The following PHF21B variants were observed in gnomAD, a reference collection of about 807,000 sequenced individuals.
PHF21B encodes the protein PHD finger protein 21B.
PHF21B carries 22 observed loss-of-function variants against 62.2 expected under a neutral mutation model. That is an observed-to-expected ratio of 0.35 (90% CI 0.25 to 0.51). PHF21B has a LOEUF of 0.51. Among genes scored for constraint, PHF21B ranks in the 20% least tolerant of loss-of-function variants. The pLI, the probability that PHF21B is intolerant of heterozygous loss-of-function variation, is 0.97. For synonymous variants in PHF21B, 341 were observed against 314.7 expected (o/e 1.08, Z -0.88); for missense variants, 701 against 707.9 (o/e 0.99, Z 0.11).
chr22:45,008,916 G>T, intron 1 of PHF21B: 1 of 1,147,932 alleles, frequency 8.7e-7, no homozygotes, highest in Non-Finnish European at 1.1e-6. Flanking sequence ...GTGTGAGTGT[G>T]AGTGTGTGCC....
At chr22:44,960,814 C>G (rs4823425) in intron 2 of PHF21B, among the ~76,000 whole-genome samples, 152,159 of 152,266 alleles carry the variant, frequency 1, 76,026 homozygotes, top group Middle Eastern at 1. Context: ...TGCCTTTGGA[C>G]GCAAACTGAT....
chr22:44,994,274 G>T (rs1224839188), intron 2 of PHF21B, among the ~76,000 whole-genome samples: 1 of 152,228 alleles, frequency 6.6e-6, no homozygotes, highest in East Asian at 1.9e-4. Context: ...GTTAGCTGAG[G>T]TCATTGTGCC....
intron 3 of PHF21B, 49 bp from the exon 4 acceptor site, chr22:44,916,679 T>C: frequency 1.3e-6 from 2 of 1,559,792 alleles, no homozygotes; most frequent in Non-Finnish European, 1.7e-6. Context: ...CACACAGGAG[T>C]GCAGGGGAGG....
At chr22:44,993,795 C>T (rs1359750370) in intron 2 of PHF21B, among the ~76,000 whole-genome samples, 2 of 152,226 alleles carry the variant, frequency 1.3e-5, no homozygotes, top group Non-Finnish European at 2.9e-5. Flanking sequence ...AATCTTTCCT[C>T]GCCACTGGAT....
At chr22:44,987,744 G>A (rs918421941) in intron 2 of PHF21B, among the ~76,000 whole-genome samples, 3 of 142,900 alleles carry the variant, frequency 2.1e-5, no homozygotes, top group African/African-American at 7.9e-5. Context: ...AATCCATGGA[G>A]CCCCCAACAC....
chr22:44,890,866 C>T (rs906088721), intron 8 of PHF21B, among the ~76,000 whole-genome samples: 1 of 152,232 alleles, frequency 6.6e-6, no homozygotes, highest in Non-Finnish European at 1.5e-5. Context: ...GCTGAGATCC[C>T]CACCCCTGTC....
chr22:44,882,997 T>C lies in PHF21B; in HGVS notation c.*89A>G. ...GTTAATTTTTGTCTGAAATTCATAGTGTTTATGAATTAAGGCCGACAGAAC... is the reference window on the plus strand; with the variant it reads ...GTTAATTTTTGTCTGAAATTCATAGCGTTTATGAATTAAGGCCGACAGAAC... On this transcript the variant is annotated 3_prime_UTR_variant, in exon 13 of 13. Coordinates refer to ENST00000313237, the MANE Select transcript of PHF21B (RefSeq NM_138415.5). 7.3e-7 allele frequency: 1 copy of C among 1,362,514 alleles called. No homozygotes were observed. Among genetic ancestry groups the C allele is most frequent in the Non-Finnish European group, 1.0e-6 (1 of 1,004,570 alleles). 84.4% of individuals were successfully genotyped at this position (1,362,514 alleles called of 1,614,324 possible).
chr22:44,890,588 C>T (rs918263908), intron 8 of PHF21B, among the ~76,000 whole-genome samples: 2 of 152,218 alleles, frequency 1.3e-5, no homozygotes, highest in Non-Finnish European at 2.9e-5. Context: ...GAAAGCTACA[C>T]AGAATCCCAG....
At chr22:44,911,828 T>C (rs1569222562) in intron 5 of PHF21B, among the ~76,000 whole-genome samples, 2 of 152,210 alleles carry the variant, frequency 1.3e-5, no homozygotes, top group Admixed American at 6.5e-5. Context: ...CACTGTCCTC[T>C]GGACACCAGA....
chr22:44,975,126 C>G (rs919579481), intron 2 of PHF21B, among the ~76,000 whole-genome samples: 19 of 152,204 alleles, frequency 1.2e-4, no homozygotes, highest in African/African-American at 4.3e-4. Flanking sequence ...GGGAAGAGAG[C>G]AGAGAATCTT....
intron 2 of PHF21B, among the ~76,000 whole-genome samples, chr22:44,929,389 C>T (rs1381820123): frequency 6.6e-6 from 1 of 152,206 alleles, no homozygotes; most frequent in African/African-American, 2.4e-5. Context: ...TTCATGAGCC[C>T]CAAGCTCATC....
At chr22:44,892,608 T>C (rs2070986348) in intron 7 of PHF21B, among the ~76,000 whole-genome samples, 1 of 152,142 alleles carries the variant, frequency 6.6e-6, no homozygotes, top group Non-Finnish European at 1.5e-5. Flanking sequence ...GGGACATCGT[T>C]TCCCTCAGGA....
chr22:44,919,067 G>C (rs1342320595), intron 3 of PHF21B, among the ~76,000 whole-genome samples: 1 of 152,106 alleles, frequency 6.6e-6, no homozygotes, highest in Non-Finnish European at 1.5e-5. Context: ...GCTCCCTCTA[G>C]GGCCTAACTC....
intron 2 of PHF21B, among the ~76,000 whole-genome samples, chr22:45,006,308 T>C (rs1344177136): frequency 6.6e-6 from 1 of 152,214 alleles, no homozygotes; most frequent in Non-Finnish European, 1.5e-5. Context: ...TTTAGTCATT[T>C]AAAAGGGAAA....
chr22:44,926,502 C>T (rs936630255), intron 2 of PHF21B, among the ~76,000 whole-genome samples: 5 of 152,206 alleles, frequency 3.3e-5, no homozygotes, highest in African/African-American at 1.2e-4. Flanking sequence ...GTGGGCTGGC[C>T]CTCCAGGCAA....
intron 2 of PHF21B, among the ~76,000 whole-genome samples, chr22:44,986,038 G>GCAC (rs967238777): frequency 8.3e-5 from 12 of 144,080 alleles, no homozygotes; most frequent in Non-Finnish European, 1.7e-4. Context: ...ATCACCATCA[G>GCAC]CACCACCACC....
chr22:44,992,708 G>A (rs2073060326), intron 2 of PHF21B, among the ~76,000 whole-genome samples: 1 of 152,190 alleles, frequency 6.6e-6, no homozygotes, highest in Non-Finnish European at 1.5e-5. Flanking sequence ...TGAACAGCGT[G>A]TAAAGCACCC....
At chr22:44,979,555 C>T (rs2072799756) in intron 2 of PHF21B, among the ~76,000 whole-genome samples, 1 of 152,224 alleles carries the variant, frequency 6.6e-6, no homozygotes, top group African/African-American at 2.4e-5. Flanking sequence ...CCCCAGCCTT[C>T]TCCAACTCTG....
chr22:44,966,395 C>T (rs929780864), intron 2 of PHF21B, among the ~76,000 whole-genome samples: 1 of 152,236 alleles, frequency 6.6e-6, no homozygotes, highest in Non-Finnish European at 1.5e-5. Context: ...ACAAGCTGGG[C>T]CCCCAAGCCC....
Sources: allele counts gnomAD v4.1 joint callset (sites outside exome capture counted in the v4.1 genomes callset), GRCh38; gene constraint gnomAD v4.1.1; transcripts MANE v1.5; gene names NCBI Gene and HGNC (gene_info 2026-07-23, HGNC 2026-07-21).